Variants in COX16 observed in about 807,000 individuals in gnomAD.
COX16 encodes cytochrome c oxidase assembly protein COX16 homolog, mitochondrial.
Under a neutral mutation model 15.4 loss-of-function variants are expected in COX16, and 12 were observed. That is an observed-to-expected ratio of 0.78 (90% confidence interval 0.50 to 1.26). The LOEUF is 1.26. Ranked by LOEUF, COX16 falls within the 50% of genes most tolerant of loss-of-function variation. COX16 has a pLI of 0.00. For synonymous variants in COX16, 46 were observed against 41.1 expected, an observed-to-expected ratio of 1.12 and a Z score of -0.46; for missense variants, 124 against 127.6, an observed-to-expected ratio of 0.97 and a Z score of 0.14.
chr14:70,333,287 A>T (rs6573954), intron 2 of COX16, among the ~76,000 whole-genome samples: 1 of 152,150 alleles, frequency 6.6e-6, no homozygotes, highest in Non-Finnish European at 1.5e-5. Flanking sequence ...TTCAGACAAA[A>T]AACTGAAAAT....
chr14:70,357,814 G>A (rs1019688689), intron 1 of COX16, among the ~76,000 whole-genome samples: 5 of 152,178 alleles, frequency 3.3e-5, no homozygotes, highest in African/African-American at 1.2e-4. Flanking sequence ...AAATGATGCA[G>A]CCACTTTGGA....
intron 1 of COX16, among the ~76,000 whole-genome samples, chr14:70,350,995 T>C (rs555477856): frequency 5.9e-5 from 9 of 152,336 alleles, no homozygotes; most frequent in Admixed American, 2.0e-4. Context: ...AAAGCAGACA[T>C]ACCTGACATT....
At chr14:70,357,928 A>G (rs1239644284) in intron 1 of COX16, among the ~76,000 whole-genome samples, 1 of 152,260 alleles carries the variant, frequency 6.6e-6, no homozygotes, top group Admixed American at 6.5e-5. Context: ...ATACTTCCAC[A>G]CAAAGCGTGT....
In COX16 at chr14:70,349,262, A is replaced by C. The variant is rs115154224; in HGVS notation, c.70-6533T>G. ...CTCCGGCCACCGCCTTTTCCTACCC[A>C]CCAAGCCCGGGGCCAGATACCCAGG... On this transcript the variant is annotated intron_variant, in intron 1 of 3. Transcript: ENST00000389912. 9.6e-3 allele frequency among the ~76,000 whole-genome samples: 1,452 copies of C among 152,038 alleles called. 19 individuals carry two copies. The highest frequency in any genetic ancestry group is 0.033 in the African/African-American group (1,364 of 41,482).
intron 1 of COX16, among the ~76,000 whole-genome samples, chr14:70,344,173 C>T (rs1245021221): frequency 6.6e-6 from 1 of 152,176 alleles, no homozygotes; most frequent in Admixed American, 6.5e-5. Flanking sequence ...TTTACAATAG[C>T]GATGTTATCC....
intron 1 of COX16, among the ~76,000 whole-genome samples, chr14:70,343,238 C>G (rs1263584718): frequency 6.6e-6 from 1 of 152,138 alleles, no homozygotes; most frequent in Non-Finnish European, 1.5e-5. Context: ...AAGGCAGATG[C>G]CTAGCTATAA....
chr14:70,334,289 G>A lies in COX16; in HGVS notation c.142-5053C>T, dbSNP rs545015426. 1.1e-4 allele frequency among the ~76,000 whole-genome samples: 17 copies of A among 152,264 alleles called. No individual in the cohort carries two copies. In the East Asian group the frequency reaches 2.3e-3, roughly 21 times the overall value. On this transcript the variant is annotated intron_variant, in intron 2 of 3. Transcript: ENST00000389912. ...TGTAATCCCAGCATCCTGGGAGGCC[G>A]AGGTGGATGGATCACTTGAGGTCAG...
At chr14:70,330,796 T>TG (rs1250754107) in intron 2 of COX16, among the ~76,000 whole-genome samples, 13 of 152,292 alleles carry the variant, frequency 8.5e-5, no homozygotes, top group Admixed American at 6.5e-5. Context: ...TTGTCAATAT[T>TG]TGATGATTGC....
At chr14:70,332,788 G>C (rs1886330977) in intron 2 of COX16, among the ~76,000 whole-genome samples, 1 of 152,244 alleles carries the variant, frequency 6.6e-6, no homozygotes, top group Non-Finnish European at 1.5e-5. Context: ...CTCAACTCCA[G>C]TCCCTTTTGC....
intron 3 of COX16, among the ~76,000 whole-genome samples, chr14:70,327,156 A>G (rs887268735): frequency 7.3e-5 from 11 of 151,536 alleles, no homozygotes; most frequent in African/African-American, 1.5e-4. Flanking sequence ...AGTAAGATGG[A>G]AAAAAAAAGC....
chr14:70,332,959 A>G (rs1886336891), intron 2 of COX16, among the ~76,000 whole-genome samples: 1 of 152,230 alleles, frequency 6.6e-6, no homozygotes, highest in Non-Finnish European at 1.5e-5. Context: ...CCAAAAAGCC[A>G]TGCCAACCTT....
chr14:70,334,627 G>T (rs1176157729), intron 2 of COX16, among the ~76,000 whole-genome samples: 1 of 152,118 alleles, frequency 6.6e-6, no homozygotes, highest in Non-Finnish European at 1.5e-5. Context: ...AGTTAAGTTG[G>T]TATCCATTTC....
At position 70,351,335 on chromosome 14, in the gene COX16, T is replaced by C. The variant is rs367669054; in HGVS notation, c.69+8184A>G. ...TCTTGCACACTGCATTAATATTTTA[T>C]TAATAAATACACACAAAAGTGTATA... On this transcript the variant is annotated intron_variant, in intron 1 of 3. Coordinates refer to ENST00000389912, the MANE Select transcript of COX16 (RefSeq NM_016468.7). 9.8e-4 allele frequency among the ~76,000 whole-genome samples: 147 copies of C among 150,676 alleles called. 2 individuals are homozygous for C. The highest frequency in any genetic ancestry group is 7.5e-3 in the South Asian group (36 of 4,808).
chr14:70,335,825 TA>T (rs779785390), intron 2 of COX16, among the ~76,000 whole-genome samples: 3 of 152,130 alleles, frequency 2.0e-5, no homozygotes, highest in Non-Finnish European at 4.4e-5. Context: ...GAATTTCACA[TA>T]TATAATATTG....
In COX16 at chr14:70,359,679, T is replaced by A. The variant is rs547985576; in HGVS notation, c.-92A>T. ...TCACGCTCTCACCAAGACGAGTACG[T>A]CCTTAACTCACTTCCTTTTCCTTGG... On this transcript the variant is annotated 5_prime_UTR_variant, in exon 1 of 4. Coordinates refer to ENST00000389912, the MANE Select transcript of COX16 (RefSeq NM_016468.7). 1.8e-6 allele frequency: 2 copies of A among 1,111,194 alleles called. No individual in the cohort carries two copies. Among genetic ancestry groups the A allele is most frequent in the Non-Finnish European group, 2.7e-6 (2 of 737,012 alleles). 68.8% of individuals were successfully genotyped at this position (1,111,194 alleles called of 1,614,324 possible). A position where few individuals can be genotyped will look rare whatever the true frequency, so the allele number is the denominator to read the frequency against.
intron 2 of COX16, among the ~76,000 whole-genome samples, chr14:70,339,465 G>T (rs1266906978): frequency 6.6e-6 from 1 of 151,922 alleles, no homozygotes. Flanking sequence ...AAACAATGAC[G>T]GTTGGTCACC....
At chr14:70,359,152 T>C (rs1244051463) in intron 1 of COX16, 1 of 465,194 alleles carries the variant, frequency 2.1e-6, no homozygotes, top group Non-Finnish European at 4.3e-6. Flanking sequence ...GAAGCAAGCT[T>C]AGTAATCATC....
intron 2 of COX16, among the ~76,000 whole-genome samples, chr14:70,332,486 G>C (rs568558139): frequency 4.2e-4 from 64 of 152,368 alleles, no homozygotes; most frequent in Middle Eastern, 3.4e-3. Flanking sequence ...GGCCACAGCA[G>C]ATCCCAGGGG....
intron 2 of COX16, among the ~76,000 whole-genome samples, chr14:70,333,343 C>T (rs950234034): frequency 4.0e-5 from 6 of 151,868 alleles, no homozygotes; most frequent in Admixed American, 3.9e-4. Flanking sequence ...AGACAGAGAG[C>T]CATTTAGAAA....
Sources: allele counts gnomAD v4.1 joint callset (sites outside exome capture counted in the v4.1 genomes callset), GRCh38; gene constraint gnomAD v4.1.1; transcripts MANE v1.5; gene names NCBI Gene and HGNC (gene_info 2026-07-23, HGNC 2026-07-21).